The following APOL2 variants were observed in gnomAD, a reference collection of about 807,000 sequenced individuals.
APOL2 encodes apolipoprotein L2, also known as apolipoprotein L, 2.
In APOL2, 8 loss-of-function variants were observed where a neutral mutation model predicts 7.1. That is an observed-to-expected ratio of 1.12 (90% CI 0.66 to 2.03). The LOEUF (loss-of-function observed/expected upper bound fraction) is 2.03, where lower values mean the gene tolerates loss of function less well. Among genes scored for constraint, APOL2 ranks in the 30% most tolerant of loss-of-function variants. The pLI, the probability that APOL2 is intolerant of heterozygous loss-of-function variation, is 0.00. For missense variants in APOL2, 471 were observed against 415.1 expected (o/e 1.13, Z -1.17); for synonymous variants, 177 against 159.9 (o/e 1.11, Z -0.81).
chr22:36,236,963 AG>A (rs1408736939), intron 1 of APOL2: 43 of 1,359,090 alleles, frequency 3.2e-5, no homozygotes, highest in Non-Finnish European at 4.1e-5. Flanking sequence ...ACCCTAGGCC[AG>A]GGGAGCTGTC....
chr22:36,233,157 G>T lies in APOL2; in HGVS notation c.6C>A (p.Asn2Lys). Residue 2 changes from asparagine to lysine, a missense_variant, in exon 3 of 5, where the codon AAC (asparagine) becomes AAA (lysine). By Grantham distance (94) the Asn-to-Lys change is moderately conservative (BLOSUM62 0). Coordinates refer to ENST00000358502, the MANE Select transcript of APOL2 (RefSeq NM_030882.4). M[N>K]PESSIFIEDY... ...GGAAAGAGGAAGCGAGCCTACCTGG[G>T]TTCATGGTGCCAGCGGCTGGGTTAC... 6.2e-7 allele frequency: 1 copy of T among 1,614,090 alleles called. No individual in the cohort carries two copies. The highest frequency in any genetic ancestry group is 8.5e-7 in the Non-Finnish European group (1 of 1,179,984).
rs577672652 is a variant in APOL2, at chr22:36,232,990, C to A, written c.10+163G>T. Among the ~76,000 whole-genome samples the A allele has an allele frequency of 2.6e-4, 39 of 152,210 alleles. No homozygotes were observed. In the Middle Eastern group the frequency reaches 0.01, roughly 40 times the overall value. On this transcript the variant is annotated intron_variant, in intron 3 of 4. Coordinates refer to ENST00000358502, the MANE Select transcript of APOL2 (RefSeq NM_030882.4). ...GGTCAGGATGCAGATGACCCCCAGA[C>A]CCCTGGGTCGGGGGACTCCACGTGA...
rs748565716 is a variant in APOL2 at position 36,228,210 on chromosome 22, G to A, written c.208C>T (p.Arg70Cys). The A allele has an allele frequency of 8.7e-6, 14 of 1,614,064 alleles. No individual in the cohort carries two copies. The highest frequency in any genetic ancestry group is 2.7e-5 in the African/African-American group (2 of 74,934). ...ASHMVMKDKNRHDKDQQHRQW... is the reference protein window; with the variant it reads ...ASHMVMKDKNCHDKDQQHRQW... Reference sequence around the variant, plus strand: ...CTGTGCTGCTGGTCTTTATCGTGGCGGTTTTTGTCCTTCATGACCATGTGA... The same window carrying A: ...CTGTGCTGCTGGTCTTTATCGTGGCAGTTTTTGTCCTTCATGACCATGTGA... Residue 70 changes from arginine (R) to cysteine (C), a missense_variant, in exon 5 of 5, where the codon CGC (arginine) becomes TGC (cysteine). Arg to Cys is a radical substitution (Grantham distance 180). Transcript: ENST00000358502.
chr22:36,228,874 G>A (rs770758020), intron 4 of APOL2, among the ~76,000 whole-genome samples: 2 of 152,176 alleles, frequency 1.3e-5, no homozygotes, highest in East Asian at 3.8e-4. Context: ...GGGGACTAAA[G>A]GTGTGAGATC....
At chr22:36,238,320 T>C (rs1410122383) in intron 1 of APOL2, among the ~76,000 whole-genome samples, 1 of 152,146 alleles carries the variant, frequency 6.6e-6, no homozygotes. Flanking sequence ...TTTCTTTCTA[T>C]CTTGATGGGC....
At chr22:36,229,293 C>G (rs551023113) in intron 4 of APOL2, among the ~76,000 whole-genome samples, 1 of 152,356 alleles carries the variant, frequency 6.6e-6, no homozygotes, top group African/African-American at 2.4e-5. Context: ...CTCCCGCCCC[C>G]ACCCTGGTGT....
At chr22:36,237,056 C>G in intron 1 of APOL2, 1 of 1,496,544 alleles carries the variant, frequency 6.7e-7, no homozygotes. Context: ...GCTGGGGCCT[C>G]GGACCTGCCC....
At chr22:36,236,986 T>A in intron 1 of APOL2, 1 of 1,386,418 alleles carries the variant, frequency 7.2e-7, no homozygotes, top group South Asian at 1.7e-5. Flanking sequence ...CAACGCCATC[T>A]CATGAGCCAT....
intron 1 of APOL2, chr22:36,237,123 G>A: frequency 6.5e-7 from 1 of 1,531,750 alleles, no homozygotes; most frequent in Non-Finnish European, 8.8e-7. Context: ...TGTTGGCCTG[G>A]CTCCCACCTT....
intron 4 of APOL2, among the ~76,000 whole-genome samples, chr22:36,229,474 C>T (rs2015143029): frequency 6.6e-6 from 1 of 152,228 alleles, no homozygotes; most frequent in Non-Finnish European, 1.5e-5. Flanking sequence ...TGTTTTGTCC[C>T]ACATTCACAC....
chr22:36,237,011 C>CCAGGAGGGAGAAGAGGAG, intron 1 of APOL2: 1 of 1,418,520 alleles, frequency 7.0e-7, no homozygotes, highest in East Asian at 2.8e-5. Context: ...ACCAGGAGGA[C>CCAGGAGGGAGAAGAGGAG]CAGGAGGGAG....
chr22:36,231,668 A>G (rs2015230466), intron 3 of APOL2, among the ~76,000 whole-genome samples: 1 of 152,192 alleles, frequency 6.6e-6, no homozygotes, highest in South Asian at 2.1e-4. Flanking sequence ...CTATATTTGA[A>G]GATTGGGCCT....
At chr22:36,236,884 G>A (rs1002383252) in intron 1 of APOL2, 6 of 1,277,324 alleles carry the variant, frequency 4.7e-6, no homozygotes, top group Non-Finnish European at 5.9e-6. Flanking sequence ...GACACTTCTT[G>A]CTGTAAGGGA....
chr22:36,227,371 C>A lies in APOL2; in HGVS notation c.*33G>T. 1 of 1,536,088 alleles carries A rather than the reference C, an allele frequency of 6.5e-7. No homozygotes were observed. The highest frequency in any genetic ancestry group is 8.8e-7 in the Non-Finnish European group (1 of 1,142,072). The stretch of plus-strand genomic sequence containing the variant: ...GCATTTTGTCCTGGCCTGTGCCCGG[C>A]ATTTCTGCCCTGGTGGCTGCACTGC... On this transcript the variant is annotated 3_prime_UTR_variant, in exon 5 of 5. Coordinates refer to ENST00000358502, the MANE Select transcript of APOL2 (RefSeq NM_030882.4).
chr22:36,236,482 T>C (rs529315455), intron 1 of APOL2: 2 of 837,914 alleles, frequency 2.4e-6, no homozygotes, highest in Admixed American at 1.3e-4. Context: ...ATAGAGGGAG[T>C]GTACAAACAA....
intron 1 of APOL2, 51 bp downstream of exon 1, chr22:36,239,390 G>A (rs1045976963): frequency 3.4e-6 from 5 of 1,471,646 alleles, no homozygotes; most frequent in East Asian, 5.0e-5. Context: ...CCCTTATAGA[G>A]CTATTGCAAG....
At position 36,227,901 on chromosome 22, in the gene APOL2, T is replaced by G. The variant is rs555460579; in HGVS notation, c.517A>C (p.Asn173His). 1.2e-6 allele frequency: 2 copies of G among 1,614,218 alleles called. No individual in the cohort carries two copies. The highest frequency in any genetic ancestry group is 1.7e-6 in the Non-Finnish European group (2 of 1,180,040). The change falls in exon 5 of 5, where the codon AAC (asparagine) becomes CAC (histidine). Residue 173 changes from asparagine to histidine, a missense_variant. Asn to His is a moderately conservative substitution (Grantham distance 68). Transcript: ENST00000358502. ...GITCSVVELV[N>H]KLRARAQARN... ...GCTTGGGCTCGTGCCCGCAATTTGTTTACTAGTTCTACCACACTGCAGGTA... is the reference window on the plus strand; with the variant it reads ...GCTTGGGCTCGTGCCCGCAATTTGTGTACTAGTTCTACCACACTGCAGGTA...
chr22:36,233,309 G>C (rs2146976832), intron 2 of APOL2, 68 bp from the exon 3 acceptor site: 1 of 1,599,130 alleles, frequency 6.3e-7, no homozygotes, highest in Non-Finnish European at 8.6e-7. Context: ...AGGCTGGAGG[G>C]GCTGGGTCTT....
At chr22:36,236,833 T>A (rs2015420022) in intron 1 of APOL2, 1 of 1,187,668 alleles carries the variant, frequency 8.4e-7, no homozygotes, top group Admixed American at 4.5e-5. Flanking sequence ...GACCCAGTCC[T>A]GGGCAGCAGT....
Sources: allele counts gnomAD v4.1 joint callset (sites outside exome capture counted in the v4.1 genomes callset), GRCh38; gene constraint gnomAD v4.1.1; transcripts MANE v1.5; gene names NCBI Gene and HGNC (gene_info 2026-07-23, HGNC 2026-07-21).